NRXN3: variants seen among roughly 807,000 people sequenced by gnomAD.
NRXN3 encodes the protein neurexin 3, also known as neurexin III.
NRXN3 carries 32 observed loss-of-function variants against 137.6 expected under a neutral mutation model. That is an observed-to-expected ratio of 0.23 (90% CI 0.18 to 0.31). NRXN3 has a LOEUF of 0.31. Among genes scored for constraint, NRXN3 ranks in the 10% least tolerant of loss-of-function variants. The pLI is 1.00. For missense variants in NRXN3, 1,574 were observed against 2,062.5 expected, an observed-to-expected ratio of 0.76 and a Z score of 4.59; for synonymous variants, 798 against 784.5, an observed-to-expected ratio of 1.02 and a Z score of -0.29.
chr14:79,297,846 A>G (rs1288994758), intron 15 of NRXN3, among the ~76,000 whole-genome samples: 1 of 152,078 alleles, frequency 6.6e-6, no homozygotes, highest in Non-Finnish European at 1.5e-5. Context: ...AAAACCAGTA[A>G]CGGAGAGAAA....
chr14:78,544,392 C>T (rs1039732691), intron 4 of NRXN3, among the ~76,000 whole-genome samples: 4 of 152,230 alleles, frequency 2.6e-5, no homozygotes, highest in East Asian at 3.9e-4. Context: ...TAGCTGCCCA[C>T]AGTGAAAAGT....
intron 15 of NRXN3, among the ~76,000 whole-genome samples, chr14:79,331,233 T>C (rs942051007): frequency 6.6e-6 from 1 of 152,228 alleles, no homozygotes; most frequent in African/African-American, 2.4e-5. Context: ...TTTTCATCAT[T>C]CTTCTCTACA....
At chr14:78,663,976 G>C (rs1052582740) in intron 6 of NRXN3, among the ~76,000 whole-genome samples, 10 of 152,196 alleles carry the variant, frequency 6.6e-5, no homozygotes, top group Admixed American at 2.0e-4. Flanking sequence ...TAGTGTTGCG[G>C]TGCTTTTGTA....
chr14:79,086,606 T>C (rs2048157273), intron 15 of NRXN3, among the ~76,000 whole-genome samples: 1 of 152,204 alleles, frequency 6.6e-6, no homozygotes, highest in East Asian at 1.9e-4. Context: ...TGCAGAGTCA[T>C]CACAGATTCT....
chr14:78,193,711 G>A (rs1173255145), intron 1 of NRXN3, among the ~76,000 whole-genome samples: 2 of 145,820 alleles, frequency 1.4e-5, no homozygotes, highest in Non-Finnish European at 1.5e-5. Context: ...GTAGTGAGCC[G>A]AGATTGTGCC....
chr14:78,296,913 C>T lies in NRXN3; in HGVS notation c.728-918C>T, dbSNP rs59594161. On this transcript the variant is annotated intron_variant, in intron 3 of 20. Coordinates refer to ENST00000335750, the MANE Select transcript of NRXN3 (RefSeq NM_001330195.2). ...TGGATATGTCAAATATCTCCAGTAA[C>T]AACAGAACCAATACAAGAGCAGATA... 4.6e-3 allele frequency among the ~76,000 whole-genome samples: 706 copies of T among 152,158 alleles called. 8 individuals are homozygous for T. The highest frequency in any genetic ancestry group is 0.015 in the African/African-American group (637 of 41,496).
chr14:79,765,707 T>A (rs189831436), intron 19 of NRXN3, among the ~76,000 whole-genome samples: 140 of 152,314 alleles, frequency 9.2e-4, no homozygotes, highest in Non-Finnish European at 1.8e-3. Context: ...ATATTGACCA[T>A]ATGGATGAAT....
At chr14:78,481,242 T>C (rs1013063205) in intron 4 of NRXN3, among the ~76,000 whole-genome samples, 2 of 152,212 alleles carry the variant, frequency 1.3e-5, no homozygotes, top group African/African-American at 4.8e-5. Context: ...AATGATAGTC[T>C]CTGTAGGGGA....
chr14:79,062,926 G>A (rs1388690525), intron 15 of NRXN3, among the ~76,000 whole-genome samples: 1 of 152,040 alleles, frequency 6.6e-6, no homozygotes, highest in African/African-American at 2.4e-5. Context: ...ATAATTCTGA[G>A]GTGAAAAACC....
At chr14:78,215,781 A>AGGG (rs2063210434) in intron 1 of NRXN3, among the ~76,000 whole-genome samples, 1 of 66,872 alleles carries the variant, frequency 1.5e-5, no homozygotes, top group Non-Finnish European at 2.9e-5. Context: ...TGGGGGGGGC[A>AGGG]GGGGTTAGTT....
chr14:78,687,156 G>T (rs2098132273), intron 6 of NRXN3, among the ~76,000 whole-genome samples: 1 of 152,096 alleles, frequency 6.6e-6, no homozygotes, highest in African/African-American at 2.4e-5. Flanking sequence ...ACATGAAAAA[G>T]AACAAATTAG....
At chr14:78,882,950 C>T (rs1415031224) in intron 10 of NRXN3, among the ~76,000 whole-genome samples, 1 of 151,914 alleles carries the variant, frequency 6.6e-6, no homozygotes, top group African/African-American at 2.4e-5. Flanking sequence ...GAGTGGTTAC[C>T]CTCATGCTGT....
At chr14:79,266,185 G>A (rs934831210) in intron 15 of NRXN3, among the ~76,000 whole-genome samples, 1 of 152,046 alleles carries the variant, frequency 6.6e-6, no homozygotes. Flanking sequence ...AGATATTTTT[G>A]ATTCCTAAAG....
intron 15 of NRXN3, among the ~76,000 whole-genome samples, chr14:79,343,832 T>A (rs949355391): frequency 6.6e-6 from 1 of 152,172 alleles, no homozygotes; most frequent in African/African-American, 2.4e-5. Flanking sequence ...GGAGATGTTG[T>A]CTTGCTCTCT....
At chr14:79,397,653 G>A (rs556798979) in intron 15 of NRXN3, among the ~76,000 whole-genome samples, 13 of 152,308 alleles carry the variant, frequency 8.5e-5, no homozygotes, top group Non-Finnish European at 1.5e-4. Context: ...TTGAGGAGGA[G>A]ATAAGTGATC....
intron 15 of NRXN3, among the ~76,000 whole-genome samples, chr14:79,187,392 G>C (rs1384503682): frequency 6.6e-6 from 1 of 152,172 alleles, no homozygotes; most frequent in East Asian, 1.9e-4. Flanking sequence ...CTGTGAGGTA[G>C]AAAGTATTGT....
At chr14:78,345,763 T>G (rs214019) in intron 4 of NRXN3, among the ~76,000 whole-genome samples, 1 of 152,040 alleles carries the variant, frequency 6.6e-6, no homozygotes, top group African/African-American at 2.4e-5. Context: ...CCTCTCTTCT[T>G]CCTGGTTACA....
At chr14:78,615,867 G>C (rs1433558364) in intron 4 of NRXN3, among the ~76,000 whole-genome samples, 1 of 152,178 alleles carries the variant, frequency 6.6e-6, no homozygotes, top group African/African-American at 2.4e-5. Flanking sequence ...GACTAAGGCA[G>C]GAGGATCACT....
At chr14:79,344,457 A>G (rs1197777835) in intron 15 of NRXN3, among the ~76,000 whole-genome samples, 1 of 152,214 alleles carries the variant, frequency 6.6e-6, no homozygotes, top group Non-Finnish European at 1.5e-5. Context: ...GAACTTTTCA[A>G]ACACTATTAA....
Sources: allele counts gnomAD v4.1 joint callset (sites outside exome capture counted in the v4.1 genomes callset), GRCh38; gene constraint gnomAD v4.1.1; transcripts MANE v1.5; gene names NCBI Gene and HGNC (gene_info 2026-07-23, HGNC 2026-07-21).